Variants in PDE10A observed in about 807,000 individuals in gnomAD.
PDE10A encodes the protein phosphodiesterase 10A, also known as cAMP and cAMP-inhibited cGMP 3',5'-cyclic phosphodiesterase 10A.
PDE10A carries 39 observed loss-of-function variants against 97.7 expected under a neutral mutation model. The observed-to-expected ratio is 0.40, with a 90% CI of 0.31 to 0.52. PDE10A has a LOEUF of 0.52. PDE10A is among the 20% of genes least tolerant of loss of function. The probability of loss-of-function intolerance (pLI) is 0.56; values close to 1 mark genes in which losing one functional copy is unlikely to be tolerated. For synonymous variants in PDE10A, 371 were observed against 376.8 expected, an observed-to-expected ratio of 0.98 and a Z score of 0.18; for missense variants, 731 against 1,047.8, an observed-to-expected ratio of 0.70 and a Z score of 4.17.
intron 1 of PDE10A, among the ~76,000 whole-genome samples, chr6:165,657,150 A>C (rs977865259): frequency 6.6e-6 from 1 of 152,258 alleles, no homozygotes; most frequent in African/African-American, 2.4e-5. Context: ...TCAGGCTCTC[A>C]TGGAGCTTCC....
chr6:165,434,038 A>AAAC (rs71026689), intron 6 of PDE10A, among the ~76,000 whole-genome samples: 1 of 128,766 alleles, frequency 7.8e-6, no homozygotes, highest in African/African-American at 3.2e-5. Flanking sequence ...AAAAAAAAAA[A>AAAC]GAAGTAGTAC....
chr6:165,521,994 G>T (rs680932), intron 2 of PDE10A, among the ~76,000 whole-genome samples: 1 of 151,998 alleles, frequency 6.6e-6, no homozygotes, highest in East Asian at 1.9e-4. Context: ...GTTGTAGCAT[G>T]TGTCAGAACT....
intron 1 of PDE10A, among the ~76,000 whole-genome samples, chr6:165,734,054 T>A (rs951100249): frequency 6.6e-5 from 10 of 152,170 alleles, no homozygotes; most frequent in African/African-American, 2.4e-4. Flanking sequence ...GAACCAGGAC[T>A]CCAGAAGGGC....
chr6:165,487,421 T>A (rs1464742497), intron 2 of PDE10A, among the ~76,000 whole-genome samples: 3 of 152,218 alleles, frequency 2.0e-5, no homozygotes, highest in African/African-American at 7.2e-5. Context: ...TTCTACATCA[T>A]GGTGAGTTGT....
At chr6:165,470,578 T>C (rs1231512974) in intron 3 of PDE10A, among the ~76,000 whole-genome samples, 1 of 152,240 alleles carries the variant, frequency 6.6e-6, no homozygotes. Context: ...CATAGAAAAG[T>C]ATTACCTCTT....
intron 18 of PDE10A, among the ~76,000 whole-genome samples, chr6:165,367,383 C>T (rs898554887): frequency 6.6e-6 from 1 of 151,752 alleles, no homozygotes; most frequent in Non-Finnish European, 1.5e-5. Context: ...AAACCATTAC[C>T]AGTGAAAAAC....
At chr6:165,725,389 G>T (rs78078307) in intron 1 of PDE10A, among the ~76,000 whole-genome samples, 2,897 of 152,320 alleles carry the variant, frequency 0.019, 44 homozygotes, top group South Asian at 0.044. Flanking sequence ...ACCCTAGAGG[G>T]TGCCATGGGG....
intron 1 of PDE10A, among the ~76,000 whole-genome samples, chr6:165,800,754 T>C (rs1174572476): frequency 6.6e-6 from 1 of 152,230 alleles, no homozygotes; most frequent in East Asian, 1.9e-4. Context: ...GCCCATTTGG[T>C]GCCGCTAGAG....
intron 1 of PDE10A, among the ~76,000 whole-genome samples, chr6:165,924,317 G>A (rs1279340152): frequency 1.3e-5 from 2 of 152,102 alleles, no homozygotes; most frequent in African/African-American, 2.4e-5. Context: ...AAAATTCATG[G>A]TCTCCATGTT....
At chr6:165,623,508 G>GAA (rs66934063) in intron 1 of PDE10A, among the ~76,000 whole-genome samples, 2 of 151,320 alleles carry the variant, frequency 1.3e-5, no homozygotes, top group Non-Finnish European at 2.9e-5. Context: ...GAGAGAGAGA[G>GAA]AAAAAAAACA....
At chr6:165,438,557 C>T (rs947823750) in intron 5 of PDE10A, among the ~76,000 whole-genome samples, 2 of 152,202 alleles carry the variant, frequency 1.3e-5, no homozygotes, top group African/African-American at 4.8e-5. Context: ...TTGTATACCA[C>T]ACTGTTTTAA....
chr6:165,902,877 A>G (rs75476761), intron 1 of PDE10A, among the ~76,000 whole-genome samples: 14,349 of 152,280 alleles, frequency 0.094, 845 homozygotes, highest in African/African-American at 0.16. Flanking sequence ...GGGTACGTGA[A>G]GGAAAGCTGC....
intron 11 of PDE10A, 25 bp from the exon 12 acceptor site, chr6:165,416,306 T>G (rs1279389263): frequency 1.4e-6 from 2 of 1,417,386 alleles, no homozygotes; most frequent in African/African-American, 2.8e-5. Flanking sequence ...GAGAAGGACA[T>G]GCTAATTAAA....
chr6:165,339,200 T>C (rs1781828436), intron 20 of PDE10A, 78 bp downstream of exon 20: 1 of 842,918 alleles, frequency 1.2e-6, no homozygotes, highest in Non-Finnish European at 2.1e-6. Context: ...GATGACATGC[T>C]TTCCATTTAT....
chr6:165,552,108 A>G (rs1289436213), intron 1 of PDE10A, among the ~76,000 whole-genome samples: 3 of 152,060 alleles, frequency 2.0e-5, no homozygotes, highest in Admixed American at 2.0e-4. Context: ...CTCTCCACTC[A>G]CTGCACTATA....
At chr6:165,967,510 T>C (rs1360248484) in intron 1 of PDE10A, among the ~76,000 whole-genome samples, 2 of 152,178 alleles carry the variant, frequency 1.3e-5, no homozygotes, top group East Asian at 3.9e-4. Context: ...AAAAAAAAAT[T>C]TGTTTAACTG....
chr6:165,587,446 G>A (rs1402096784), intron 1 of PDE10A, among the ~76,000 whole-genome samples: 1 of 152,038 alleles, frequency 6.6e-6, no homozygotes, highest in Non-Finnish European at 1.5e-5. Flanking sequence ...CCTAGATGGG[G>A]GTAAGTTATT....
chr6:165,979,691 G>A (rs1235165359), intron 1 of PDE10A, among the ~76,000 whole-genome samples: 1 of 152,158 alleles, frequency 6.6e-6, no homozygotes, highest in Non-Finnish European at 1.5e-5. Context: ...CTCCCACACG[G>A]TGGAAATGTC....
chr6:165,505,966 GA>G lies in PDE10A; in HGVS notation c.995-23624del, dbSNP rs556615933. On this transcript the variant is annotated intron_variant, in intron 2 of 21. Coordinates refer to ENST00000539869, the MANE Select transcript of PDE10A (RefSeq NM_001385079.1). ...AATAAAACAATACCAAATATATAGT[GA>G]AAAAAATAATATTACTTGTCTTATT... 4.9e-3 allele frequency among the ~76,000 whole-genome samples: 750 copies of G among 151,988 alleles called. 2 individuals are homozygous for G. Among genetic ancestry groups the G allele is most frequent in the Non-Finnish European group, 8.0e-3 (545 of 67,946 alleles).
Sources: gnomAD v4.1 joint callset for allele counts (sites outside exome capture counted in the v4.1 genomes callset) on GRCh38, gnomAD v4.1.1 for gene constraint, MANE v1.5 for transcripts, NCBI Gene and HGNC (gene_info 2026-07-23, HGNC 2026-07-21) for gene names.